VAV3: variants seen among roughly 807,000 people sequenced by gnomAD.
VAV3 encodes guanine nucleotide exchange factor VAV3.
VAV3 carries 94 observed loss-of-function variants against 131.2 expected under a neutral mutation model. The ratio of observed to expected loss-of-function variants is 0.72; its 90% CI spans 0.61 to 0.85. VAV3 has a LOEUF of 0.85. Ranked by LOEUF, VAV3 falls within the 40% of genes least tolerant of loss-of-function variation. VAV3 has a pLI of 0.00. For missense variants in VAV3, 939 were observed against 1,002.7 expected (o/e 0.94, Z 0.86); for synonymous variants, 349 against 342.0 (o/e 1.02, Z -0.22).
chr1:107,596,311 G>A lies in VAV3; in HGVS notation c.2251C>T (p.Leu751Phe). 1 of 1,613,454 alleles carries A rather than the reference G, an allele frequency of 6.2e-7. No homozygotes were observed. The highest frequency in any genetic ancestry group is 8.5e-7 in the Non-Finnish European group (1 of 1,179,524). The change falls in exon 25 of 27, where the codon CTC becomes TTC. Residue 751 changes from leucine to phenylalanine, a missense_variant. Physicochemically the swap from Leu to Phe is conservative, Grantham distance 22. Coordinates refer to ENST00000370056, the MANE Select transcript of VAV3 (RefSeq NM_006113.5). ...ELVEYYKHHS[L>F]KEGFRTLDTT... is the part of the protein sequence containing the mutation. Reference sequence around the variant, plus strand: ...TCTAAGGTTCTGAACCCTTCCTTGAGAGAATGATGCTTGTAGTACTCCACA... The same window carrying A: ...TCTAAGGTTCTGAACCCTTCCTTGAAAGAATGATGCTTGTAGTACTCCACA...
At chr1:107,926,636 AG>A (rs1294654440) in intron 1 of VAV3, among the ~76,000 whole-genome samples, 1 of 152,056 alleles carries the variant, frequency 6.6e-6, no homozygotes, top group Non-Finnish European at 1.5e-5. Context: ...CACATGGTAG[AG>A]AAAGAGTGCA....
intron 2 of VAV3, among the ~76,000 whole-genome samples, chr1:107,858,517 T>C (rs1669583601): frequency 6.6e-6 from 1 of 152,126 alleles, no homozygotes; most frequent in Non-Finnish European, 1.5e-5. Flanking sequence ...AGTGCGTGAG[T>C]GAGCATTACT....
At chr1:107,843,064 C>T (rs145615580) in intron 2 of VAV3, among the ~76,000 whole-genome samples, 1 of 152,050 alleles carries the variant, frequency 6.6e-6, no homozygotes. Context: ...TGAAGTCCAC[C>T]TTTACTCCGC....
Position 107,766,749 on chromosome 1 carries a change from G to A in VAV3, c.718-199C>T, listed in dbSNP as rs147082826. 3.9e-3 allele frequency among the ~76,000 whole-genome samples: 593 copies of A among 151,810 alleles called. 2 individuals are homozygous for A. The highest frequency in any genetic ancestry group is 0.017 in the Middle Eastern group (5 of 294). On this transcript the variant is annotated intron_variant, in intron 7 of 26. Coordinates refer to ENST00000370056, the MANE Select transcript of VAV3 (RefSeq NM_006113.5). ...AGGGGGAGGAAGGGGAGGAAGCAGC[G>A]GGAGAGGACAGGGTAGAAGAGGAGG... is the stretch of plus-strand genomic sequence containing the variant.
chr1:107,658,828 C>G (rs553288572), intron 19 of VAV3, among the ~76,000 whole-genome samples: 2 of 152,046 alleles, frequency 1.3e-5, no homozygotes, highest in African/African-American at 2.4e-5. Flanking sequence ...TGTTTGAGTT[C>G]ATTGTAGATT....
intron 19 of VAV3, among the ~76,000 whole-genome samples, chr1:107,653,260 G>T (rs1235634575): frequency 1.3e-5 from 2 of 151,538 alleles, no homozygotes; most frequent in Admixed American, 1.3e-4. Context: ...AGAGGCTATG[G>T]AGCCCTTAGC....
intron 25 of VAV3, among the ~76,000 whole-genome samples, chr1:107,590,700 A>G (rs1650879867): frequency 6.6e-6 from 1 of 152,120 alleles, no homozygotes; most frequent in Admixed American, 6.6e-5. Flanking sequence ...CAGTTGTCCA[A>G]AGCAAATACT....
chr1:107,577,924 A>C (rs1390846363), intron 25 of VAV3, among the ~76,000 whole-genome samples: 1 of 152,186 alleles, frequency 6.6e-6, no homozygotes. Context: ...GCCAAGCATG[A>C]GGTAAAAGTG....
chr1:107,710,596 A>C (rs1338557487), intron 15 of VAV3, among the ~76,000 whole-genome samples: 1 of 152,104 alleles, frequency 6.6e-6, no homozygotes, highest in Non-Finnish European at 1.5e-5. Context: ...TTTCTCCATG[A>C]TACAACAAGT....
intron 2 of VAV3, among the ~76,000 whole-genome samples, chr1:107,866,822 CAAAAAAAAA>C (rs66866060): frequency 1.2e-4 from 7 of 59,202 alleles, no homozygotes; most frequent in East Asian, 7.6e-4. Context: ...GACTCCATCT[CAAAAAAAAA>C]AAAAAAAAAA....
At chr1:107,858,885 T>C (rs1379142838) in intron 2 of VAV3, among the ~76,000 whole-genome samples, 3 of 152,234 alleles carry the variant, frequency 2.0e-5, no homozygotes, top group Non-Finnish European at 2.9e-5. Context: ...CTTGAAACTA[T>C]ACAGTTGTTT....
At chr1:107,607,072 A>G (rs1340368196) in intron 22 of VAV3, among the ~76,000 whole-genome samples, 1 of 151,384 alleles carries the variant, frequency 6.6e-6, no homozygotes, top group East Asian at 1.9e-4. Flanking sequence ...CTCCTGCCTC[A>G]GCCTCCCGAG....
chr1:107,619,792 A>G (rs535636609), intron 20 of VAV3, among the ~76,000 whole-genome samples: 1 of 152,340 alleles, frequency 6.6e-6, no homozygotes, highest in Non-Finnish European at 1.5e-5. Flanking sequence ...AAAGGCTTTA[A>G]TCTATAGAAT....
intron 2 of VAV3, among the ~76,000 whole-genome samples, chr1:107,788,232 T>C (rs531103137): frequency 3.9e-5 from 6 of 152,064 alleles, no homozygotes; most frequent in Non-Finnish European, 7.3e-5. Context: ...AAACTATTAA[T>C]GTGATCATAC....
chr1:107,836,087 T>C (rs1668467119), intron 2 of VAV3, among the ~76,000 whole-genome samples: 1 of 152,150 alleles, frequency 6.6e-6, no homozygotes, highest in Admixed American at 6.5e-5. Context: ...TAGTGAAAGA[T>C]GTCAACACTC....
chr1:107,722,014 T>C (rs936282696), intron 15 of VAV3, among the ~76,000 whole-genome samples: 2 of 152,196 alleles, frequency 1.3e-5, no homozygotes, highest in African/African-American at 4.8e-5. Flanking sequence ...AGTATTACAG[T>C]CCAGAAACCC....
At chr1:107,747,773 T>C (rs920821446) in intron 15 of VAV3, among the ~76,000 whole-genome samples, 2 of 152,318 alleles carry the variant, frequency 1.3e-5, no homozygotes, top group South Asian at 2.1e-4. Flanking sequence ...GCAGTGATAA[T>C]AGATGAACCC....
chr1:107,887,038 T>G (rs1671069271), intron 1 of VAV3, among the ~76,000 whole-genome samples: 1 of 152,250 alleles, frequency 6.6e-6, no homozygotes, highest in South Asian at 2.1e-4. Flanking sequence ...CATAAGTTAT[T>G]AAGTTAAACT....
rs570115014 is a variant in VAV3 at position 107,644,420 on chromosome 1, T to G, written c.1778-1665A>C. Among the ~76,000 whole-genome samples the G allele has an allele frequency of 4.6e-4, 70 of 152,122 alleles. 1 individual carries two copies. The highest frequency in any genetic ancestry group is 1.3e-4 in the Admixed American group (2 of 15,242). Reference sequence around the variant, plus strand: ...GCATACCTAGGGCAAGGAAAGCATCTTGTTTGGTAGACTCCCTGGGTAATT... The same window carrying G: ...GCATACCTAGGGCAAGGAAAGCATCGTGTTTGGTAGACTCCCTGGGTAATT... On this transcript the variant is annotated intron_variant, in intron 19 of 26. Coordinates refer to ENST00000370056, the MANE Select transcript of VAV3 (RefSeq NM_006113.5).
Sources: gnomAD v4.1 joint callset for allele counts (sites outside exome capture counted in the v4.1 genomes callset) on GRCh38, gnomAD v4.1.1 for gene constraint, MANE v1.5 for transcripts, NCBI Gene and HGNC (gene_info 2026-07-23, HGNC 2026-07-21) for gene names.